PCM1: variants seen among roughly 807,000 people sequenced by gnomAD.
The protein encoded by PCM1 is pericentriolar material 1 protein.
A neutral mutation model predicts 241.9 loss-of-function variants in PCM1; 157 were observed. That is an observed-to-expected ratio of 0.65 (90% CI 0.57 to 0.74). The LOEUF (loss-of-function observed/expected upper bound fraction) is 0.74, where lower values mean the gene tolerates loss of function less well. PCM1 is among the 30% of genes least tolerant of loss of function. The pLI is 0.00. For synonymous variants in PCM1, 1,085 were observed against 784.9 expected (o/e 1.38, Z -6.39); for missense variants, 3,478 against 2,360.1 (o/e 1.47, Z -9.81).
chr8:17,985,456 G>T lies in PCM1; in HGVS notation c.4118G>T (p.Ser1373Ile), dbSNP rs1329087256. The T allele has an allele frequency of 6.4e-7, 1 of 1,552,814 alleles. No individual in the cohort carries two copies. The part of the protein sequence containing the change: ...RSTEISSETG[S>I]DFSMFEALRD... ...CTTTTATGTATTCCAGAAACTGGGA[G>T]TGATTTTTCCATGTTTGAAGCTTTG... Residue 1373 changes from serine to isoleucine, a missense_variant, in exon 25 of 39, where the codon AGT becomes ATT. By Grantham distance (142) the Ser-to-Ile change is moderately radical. Transcript: ENST00000325083.
chr8:17,966,325 T>C lies in PCM1; in HGVS notation c.3076-3T>C, dbSNP rs1415438212. Reference sequence around the variant, plus strand: ...ACTATTAACAAACATTTTCTTTCAATAGACTCTATCTTGTCTGCTACAAAC... The same window carrying C: ...ACTATTAACAAACATTTTCTTTCAACAGACTCTATCTTGTCTGCTACAAAC... On this transcript the variant is annotated splice_region_variant and splice_polypyrimidine_tract_variant and intron_variant, in intron 19 of 38. Transcript: ENST00000325083. 1.9e-6 allele frequency: 3 copies of C among 1,613,530 alleles called. No individual in the cohort carries two copies. Among genetic ancestry groups the C allele is most frequent in the Admixed American group, 3.3e-5 (2 of 59,994 alleles).
chr8:17,990,885 G>C (rs451985), intron 27 of PCM1, among the ~76,000 whole-genome samples: 11,310 of 152,134 alleles, frequency 0.074, 610 homozygotes, highest in African/African-American at 0.15. Flanking sequence ...CTCAGCCTTA[G>C]CTGACCTCTA....
intron 32 of PCM1, among the ~76,000 whole-genome samples, chr8:18,010,937 C>T (rs1020627824): frequency 6.6e-6 from 1 of 152,198 alleles, no homozygotes; most frequent in African/African-American, 2.4e-5. Flanking sequence ...CATGCCACTG[C>T]ATTCCAGCCT....
chr8:18,001,961 C>G (rs960590753), intron 29 of PCM1, among the ~76,000 whole-genome samples: 2 of 127,372 alleles, frequency 1.6e-5, no homozygotes, highest in Admixed American at 9.5e-5. Context: ...TCCTAAATGG[C>G]CTTACTATCC....
intron 26 of PCM1, among the ~76,000 whole-genome samples, chr8:17,988,037 A>G (rs2083198500): frequency 6.6e-6 from 1 of 151,730 alleles, no homozygotes; most frequent in Non-Finnish European, 1.5e-5. Context: ...AGAGAAATGA[A>G]AGTGAAACTG....
At chr8:18,010,696 A>T in intron 32 of PCM1, 28 bp downstream of exon 32, 1 of 1,548,844 alleles carries the variant, frequency 6.5e-7, no homozygotes, top group Non-Finnish European at 8.8e-7. Flanking sequence ...TTTGCCTAAA[A>T]ATATGGCTGG....
At chr8:17,947,576 G>A (rs753945397) in intron 7 of PCM1, among the ~76,000 whole-genome samples, 28 of 152,238 alleles carry the variant, frequency 1.8e-4, no homozygotes, top group Non-Finnish European at 1.6e-4. Context: ...CAGATAGCCA[G>A]ATCTCTCTCC....
intron 21 of PCM1, among the ~76,000 whole-genome samples, chr8:17,967,574 C>A (rs186566020): frequency 6.6e-6 from 1 of 152,198 alleles, no homozygotes; most frequent in Non-Finnish European, 1.5e-5. Flanking sequence ...TCCCATGGTG[C>A]TGGGATTACA....
chr8:17,966,989 A>G lies in PCM1; in HGVS notation c.3231A>G (p.Gln1077=), dbSNP rs760863932. The G allele has an allele frequency of 6.2e-7, 1 of 1,602,796 alleles. No individual in the cohort carries two copies. The highest frequency in any genetic ancestry group is 8.5e-7 in the Non-Finnish European group (1 of 1,174,390). The change falls in exon 21 of 39, where the codon CAA becomes CAG. Residue 1077 remains glutamine, a synonymous_variant. Transcript: ENST00000325083. The part of the protein sequence containing the change: ...WQQNNVQRLK[Q]MLNELMRQQN... ...ACTTAAATCTTTGTAGGTTGAAACA[A>G]ATGCTAAATGAACTTATGCGCCAGC...
chr8:17,959,113 C>A (rs111588964), intron 13 of PCM1, among the ~76,000 whole-genome samples: 166 of 152,118 alleles, frequency 1.1e-3, no homozygotes, highest in African/African-American at 3.9e-3. Context: ...TCACTATGCA[C>A]CTATTTTTAA....
intron 7 of PCM1, among the ~76,000 whole-genome samples, chr8:17,948,528 C>T (rs1031515331): frequency 6.6e-6 from 1 of 152,010 alleles, no homozygotes; most frequent in African/African-American, 2.4e-5. Context: ...TGGTCTTGAA[C>T]TCCTGACCTT....
intron 15 of PCM1, among the ~76,000 whole-genome samples, chr8:17,961,105 A>G (rs1005909828): frequency 4.6e-5 from 7 of 152,190 alleles, no homozygotes; most frequent in African/African-American, 7.2e-5. Flanking sequence ...TTAAGCCACC[A>G]TAAGATATCT....
In PCM1 at chr8:18,025,550, C is replaced by G. The variant is rs1246660923; in HGVS notation, c.5941C>G (p.Leu1981Val). 1 of 1,573,370 alleles carries G rather than the reference C, an allele frequency of 6.4e-7. No individual in the cohort carries two copies. The highest frequency in any genetic ancestry group is 1.4e-5 in the African/African-American group (1 of 73,490). ...TTTAATTTTCATTCCAAAGGCAGAT[C>G]TAAGAAAGAAAATGGTAGAAGAAGA... Reference protein sequence around the residue: ...LKLTIYSEADLRKKMVEEEQK... With the variant: ...LKLTIYSEADVRKKMVEEEQK... Residue 1981 changes from leucine (L) to valine (V), a missense_variant, in exon 38 of 39, where the codon CTA becomes GTA. Coordinates refer to ENST00000325083, the MANE Select transcript of PCM1 (RefSeq NM_006197.4).
intron 1 of PCM1, among the ~76,000 whole-genome samples, chr8:17,924,048 G>C (rs754144298): frequency 6.6e-6 from 1 of 151,096 alleles, no homozygotes; most frequent in Non-Finnish European, 1.5e-5. Flanking sequence ...GTGTCTTACG[G>C]GTGACGGTTC....
At chr8:18,014,480 A>G in intron 35 of PCM1, 104 bp from the exon 36 acceptor site, 1 of 889,270 alleles carries the variant, frequency 1.1e-6, no homozygotes, top group East Asian at 2.9e-5. Flanking sequence ...TTGGTCTTAA[A>G]TATCTTGATT....
rs2092555603 is a variant in PCM1, at chr8:18,011,809, AAATG to A, written c.5496_5499del (p.Glu1833MetfsTer36). The stretch of plus-strand genomic sequence containing the variant: ...AGGCTAACACTGAAGCTACTGAAGA[AAATG>A]AACATGATGAACAGGTATTCCCGTA... On this transcript the variant is annotated frameshift_variant, in exon 34 of 39. Coordinates refer to ENST00000325083, the MANE Select transcript of PCM1 (RefSeq NM_006197.4). LOFTEE classifies it high-confidence loss of function. 1.2e-6 allele frequency: 2 copies of A among 1,613,002 alleles called. No individual in the cohort carries two copies. Among genetic ancestry groups the A allele is most frequent in the African/African-American group, 2.7e-5 (2 of 74,866 alleles).
chr8:17,967,009 G>T lies in PCM1; in HGVS notation c.3251G>T (p.Arg1084Leu). 1 of 1,607,930 alleles carries T rather than the reference G, an allele frequency of 6.2e-7. No individual in the cohort carries two copies. Among genetic ancestry groups the T allele is most frequent in the Non-Finnish European group, 8.5e-7 (1 of 1,176,988 alleles). Reference sequence around the variant, plus strand: ...AAACAAATGCTAAATGAACTTATGCGCCAGCAAAATCAGCATCCAGAAAAA... The same window carrying T: ...AAACAAATGCTAAATGAACTTATGCTCCAGCAAAATCAGCATCCAGAAAAA... ...RLKQMLNELM[R>L]QQNQHPEKPG... The change falls in exon 21 of 39, where the codon CGC becomes CTC. Residue 1084 changes from arginine (R) to leucine (L), a missense_variant. Physicochemically the swap from Arg to Leu is moderately radical, Grantham distance 102. Transcript: ENST00000325083.
chr8:18,021,050 G>A (rs1290018466), intron 36 of PCM1, among the ~76,000 whole-genome samples: 1 of 152,144 alleles, frequency 6.6e-6, no homozygotes, highest in Non-Finnish European at 1.5e-5. Context: ...CATTTTGAAT[G>A]AACTCCACAG....
At position 17,954,050 on chromosome 8, in the gene PCM1, CCTTT is replaced by C. The variant is rs2067085509; in HGVS notation, c.1288+869_1288+872del. ...TAATATTCCTGTCCTAAAACATACT[CCTTT>C]CTTTTCTCTGACTTCTGCTAGTCTC... On this transcript the variant is annotated intron_variant, in intron 9 of 38. Transcript: ENST00000325083. Among the ~76,000 whole-genome samples, 5 of 152,234 alleles carry C rather than the reference CCTTT, an allele frequency of 3.3e-5. No homozygotes were observed. The South Asian group carries it at 1.0e-3, about 32-fold the overall frequency.
Sources: allele counts gnomAD v4.1 joint callset (sites outside exome capture counted in the v4.1 genomes callset), GRCh38; gene constraint gnomAD v4.1.1; transcripts MANE v1.5; gene names NCBI Gene and HGNC (gene_info 2026-07-23, HGNC 2026-07-21).